The following TMTC2 variants were observed in gnomAD, a reference collection of about 807,000 sequenced individuals.
The protein encoded by TMTC2 is transmembrane O-mannosyltransferase targeting cadherins 2.
In TMTC2, 43 loss-of-function variants were observed where a neutral mutation model predicts 82.4. That is an observed-to-expected ratio of 0.52 (90% confidence interval 0.41 to 0.67). TMTC2 has a LOEUF of 0.67. TMTC2 is among the 30% of genes least tolerant of loss of function. The pLI is 0.00. For missense variants in TMTC2, 919 were observed against 1,012.4 expected (o/e 0.91, Z 1.25); for synonymous variants, 408 against 381.9 (o/e 1.07, Z -0.80).
chr12:82,764,148 T>G (rs1264271334), intron 1 of TMTC2, among the ~76,000 whole-genome samples: 1 of 151,912 alleles, frequency 6.6e-6, no homozygotes, highest in East Asian at 1.9e-4. Flanking sequence ...ACATACACAC[T>G]TTTTTTTGAG....
intron 4 of TMTC2, among the ~76,000 whole-genome samples, chr12:82,948,394 T>C (rs1319583078): frequency 4.6e-5 from 7 of 152,124 alleles, no homozygotes; most frequent in Admixed American, 3.3e-4. Flanking sequence ...AAGATTGTTA[T>C]GAATAGTGTT....
chr12:82,836,141 G>A (rs1870027986), intron 1 of TMTC2, among the ~76,000 whole-genome samples: 1 of 131,224 alleles, frequency 7.6e-6, no homozygotes, highest in South Asian at 2.1e-4. Context: ...CTGGAGAATG[G>A]AATAGCTTGT....
chr12:82,773,319 AGTTTGTGATAAAATGT>A (rs1393101342), intron 1 of TMTC2, among the ~76,000 whole-genome samples: 1 of 152,158 alleles, frequency 6.6e-6, no homozygotes, highest in Non-Finnish European at 1.5e-5. Context: ...ATTGTATTGC[AGTTTGTGATAAAATGT>A]GTTTGTGATA....
chr12:82,694,524 C>G (rs144566763), intron 1 of TMTC2, among the ~76,000 whole-genome samples: 1 of 152,110 alleles, frequency 6.6e-6, no homozygotes, highest in African/African-American at 2.4e-5. Flanking sequence ...GCTTTTGTTT[C>G]TTAATTTCTT....
At chr12:82,797,896 T>G (rs1218728375) in intron 1 of TMTC2, among the ~76,000 whole-genome samples, 1 of 151,844 alleles carries the variant, frequency 6.6e-6, no homozygotes, top group Non-Finnish European at 1.5e-5. Context: ...GGTATTGTTC[T>G]GCTTTTTTAG....
At chr12:83,121,273 T>C (rs1333626542) in intron 11 of TMTC2, among the ~76,000 whole-genome samples, 1 of 152,178 alleles carries the variant, frequency 6.6e-6, no homozygotes, top group Non-Finnish European at 1.5e-5. Context: ...TCCTTCTCAT[T>C]TGAGTAGGCT....
At chr12:83,011,338 C>T (rs910860492) in intron 8 of TMTC2, among the ~76,000 whole-genome samples, 4 of 152,224 alleles carry the variant, frequency 2.6e-5, no homozygotes, top group Admixed American at 2.6e-4. Context: ...CTCTTTATCT[C>T]ATCCTTTTTG....
rs373263731 is a variant in TMTC2 at position 83,040,130 on chromosome 12, C to T, written c.2152+9251C>T. ...CAGAAATAACATTACCCCTATTTTA[C>T]GGATATAAGATTTAAGGTTCCAATA... is the stretch of plus-strand genomic sequence containing the variant. On this transcript the variant is annotated intron_variant, in intron 9 of 11. Transcript: ENST00000321196. 3.9e-5 allele frequency among the ~76,000 whole-genome samples: 6 copies of T among 152,266 alleles called. No homozygotes were observed. In the East Asian group the frequency reaches 1.2e-3, roughly 29 times the overall value.
chr12:82,903,043 C>G (rs1874104057), intron 3 of TMTC2, among the ~76,000 whole-genome samples: 1 of 152,142 alleles, frequency 6.6e-6, no homozygotes. Flanking sequence ...CTTTGATGTG[C>G]CTTTTATATG....
At chr12:83,049,411 GTGT>G (rs1177791479) in intron 9 of TMTC2, among the ~76,000 whole-genome samples, 3 of 152,154 alleles carry the variant, frequency 2.0e-5, no homozygotes, top group Non-Finnish European at 4.4e-5. Context: ...GAACATGGTG[GTGT>G]TTGGTTTTCT....
chr12:82,971,290 A>G (rs150710518), intron 7 of TMTC2, among the ~76,000 whole-genome samples: 261 of 152,226 alleles, frequency 1.7e-3, no homozygotes, highest in African/African-American at 5.7e-3. Context: ...ACTATGTCAA[A>G]ATAGTTTTCC....
intron 1 of TMTC2, among the ~76,000 whole-genome samples, chr12:82,743,457 A>AG (rs1159823676): frequency 6.6e-6 from 1 of 151,994 alleles, no homozygotes; most frequent in East Asian, 1.9e-4. Flanking sequence ...AAAAAAAAAA[A>AG]AAAAGAAAAA....
At chr12:82,970,272 A>G (rs1192645043) in intron 7 of TMTC2, among the ~76,000 whole-genome samples, 4 of 152,268 alleles carry the variant, frequency 2.6e-5, no homozygotes, top group Admixed American at 2.6e-4. Context: ...TATTGGTCCA[A>G]CTACTTAACC....
chr12:82,965,159 A>T lies in TMTC2; in HGVS notation c.1684+50A>T, dbSNP rs1878135108. The stretch of plus-strand genomic sequence containing the variant: ...TTTTTATACCTCTTTCCATATTTGA[A>T]AATTAACTCTAATTTACAGCCTCAC... On this transcript the variant is annotated intron_variant, in intron 5 of 11. Coordinates refer to ENST00000321196, the MANE Select transcript of TMTC2 (RefSeq NM_152588.3). 7 of 1,355,960 alleles carry T rather than the reference A, an allele frequency of 5.2e-6. No individual in the cohort carries two copies. In the East Asian group the frequency reaches 1.6e-4, roughly 31 times the overall value. 84.0% of individuals were successfully genotyped at this position (1,355,960 alleles called of 1,614,324 possible).
At chr12:82,793,969 G>A (rs547453092) in intron 1 of TMTC2, among the ~76,000 whole-genome samples, 2 of 152,274 alleles carry the variant, frequency 1.3e-5, no homozygotes, top group East Asian at 1.9e-4. Flanking sequence ...CCCTAGGGAC[G>A]TTTTTCAATA....
In TMTC2 at chr12:83,107,942, T is replaced by TC. The variant is rs1592496787; in HGVS notation, c.2332-24268_2332-24267insC. On this transcript the variant is annotated intron_variant, in intron 11 of 11. Coordinates refer to ENST00000321196, the MANE Select transcript of TMTC2 (RefSeq NM_152588.3). ...AGGTGACTGAATCAAGGGGATGGAT[T>TC]TCCCCCCTTGCTGTTCCTGTGATAG... 2.6e-5 allele frequency among the ~76,000 whole-genome samples: 4 copies of TC among 151,378 alleles called. No individual in the cohort carries two copies. The East Asian group carries it at 7.8e-4, about 30-fold the overall frequency.
chr12:82,774,022 A>G (rs1243672550), intron 1 of TMTC2, among the ~76,000 whole-genome samples: 1 of 152,126 alleles, frequency 6.6e-6, no homozygotes, highest in Non-Finnish European at 1.5e-5. Context: ...ATGGTTAGGA[A>G]GAATACTCAT....
chr12:82,688,988 A>C (rs1872461137), intron 1 of TMTC2, among the ~76,000 whole-genome samples: 1 of 152,240 alleles, frequency 6.6e-6, no homozygotes, highest in African/African-American at 2.4e-5. Context: ...CATTTTATGT[A>C]GTGCCTACCA....
intron 2 of TMTC2, among the ~76,000 whole-genome samples, chr12:82,872,291 C>T (rs947488412): frequency 2.6e-5 from 4 of 152,114 alleles, no homozygotes; most frequent in African/African-American, 9.7e-5. Flanking sequence ...TGTGGCCTTG[C>T]GCTACATTTA....
Sources: allele counts gnomAD v4.1 joint callset (sites outside exome capture counted in the v4.1 genomes callset), GRCh38; gene constraint gnomAD v4.1.1; transcripts MANE v1.5; gene names NCBI Gene and HGNC (gene_info 2026-07-23, HGNC 2026-07-21).